Variants in ATP8A2 observed in about 807,000 individuals in gnomAD.
The protein encoded by ATP8A2 is ATPase phospholipid transporting 8A2, also known as phospholipid-transporting ATPase IB.
Under a neutral mutation model 165.6 loss-of-function variants are expected in ATP8A2, and 100 were observed. That is an observed-to-expected ratio of 0.60 (90% CI 0.51 to 0.71). ATP8A2 has a LOEUF of 0.71. ATP8A2 is among the 30% of genes least tolerant of loss of function. ATP8A2 has a pLI of 0.00. For missense variants in ATP8A2, 1,227 were observed against 1,479.5 expected, an observed-to-expected ratio of 0.83 and a Z score of 2.80; for synonymous variants, 543 against 548.8, an observed-to-expected ratio of 0.99 and a Z score of 0.15.
intron 33 of ATP8A2, among the ~76,000 whole-genome samples, chr13:25,909,595 GA>G (rs1174090691): frequency 6.6e-6 from 1 of 152,136 alleles, no homozygotes; most frequent in Non-Finnish European, 1.5e-5. Flanking sequence ...CCTTGAAAAG[GA>G]AATCCTTAAT....
chr13:25,417,234 G>A (rs1225346674), intron 1 of ATP8A2, among the ~76,000 whole-genome samples: 11 of 152,058 alleles, frequency 7.2e-5, no homozygotes, highest in Non-Finnish European at 1.3e-4. Flanking sequence ...GCTGAGCCAG[G>A]TGTTTCATTC....
At chr13:25,950,124 C>G (rs148422591) in intron 33 of ATP8A2, among the ~76,000 whole-genome samples, 14 of 152,300 alleles carry the variant, frequency 9.2e-5, no homozygotes, top group African/African-American at 3.4e-4. Flanking sequence ...TTAAACCACA[C>G]AGTACTCGTT....
At chr13:25,390,343 A>G (rs1014493955) in intron 1 of ATP8A2, among the ~76,000 whole-genome samples, 12 of 152,178 alleles carry the variant, frequency 7.9e-5, no homozygotes, top group African/African-American at 2.9e-4. Context: ...TAATTTACAC[A>G]CAGTGAAATG....
At chr13:25,585,105 CA>C (rs2039884654) in intron 23 of ATP8A2, among the ~76,000 whole-genome samples, 1 of 152,128 alleles carries the variant, frequency 6.6e-6, no homozygotes, top group Admixed American at 6.5e-5. Context: ...TCCTGTGAGC[CA>C]GTGAATTGTA....
chr13:25,688,132 G>T (rs1170664308), intron 24 of ATP8A2, among the ~76,000 whole-genome samples: 12 of 135,280 alleles, frequency 8.9e-5, no homozygotes, highest in Admixed American at 8.9e-4. Context: ...GCTGTTTTGT[G>T]CTGTTGTGTC....
chr13:26,007,672 A>G (rs1427603592), intron 35 of ATP8A2, among the ~76,000 whole-genome samples: 1 of 152,238 alleles, frequency 6.6e-6, no homozygotes, highest in Non-Finnish European at 1.5e-5. Flanking sequence ...TCAAAACATA[A>G]CTAAGCTCAA....
intron 30 of ATP8A2, among the ~76,000 whole-genome samples, chr13:25,853,627 T>C (rs371392983): frequency 6.6e-6 from 1 of 152,180 alleles, no homozygotes; most frequent in South Asian, 2.1e-4. Flanking sequence ...TAGTCTCCCA[T>C]GCCTGCTAAC....
At chr13:25,881,400 G>A (rs1219674721) in intron 33 of ATP8A2, among the ~76,000 whole-genome samples, 5 of 152,152 alleles carry the variant, frequency 3.3e-5, no homozygotes, top group South Asian at 2.1e-4. Context: ...ATGTGGGGTT[G>A]CTTTTGCTTT....
intron 20 of ATP8A2, among the ~76,000 whole-genome samples, chr13:25,577,485 A>C (rs1043037527): frequency 4.6e-5 from 7 of 152,158 alleles, no homozygotes; most frequent in African/African-American, 1.7e-4. Context: ...ACCTATGATA[A>C]TCTTGAGTAT....
At chr13:25,632,683 A>T (rs1593692509) in intron 24 of ATP8A2, among the ~76,000 whole-genome samples, 1 of 152,000 alleles carries the variant, frequency 6.6e-6, no homozygotes, top group Admixed American at 6.6e-5. Flanking sequence ...ACTGGGTAGG[A>T]TGGGCCTTAG....
At position 25,828,443 on chromosome 13, in the gene ATP8A2, A is replaced by C. The variant is rs188742723; in HGVS notation, c.2754+251A>C. On this transcript the variant is annotated intron_variant, in intron 28 of 36. Transcript: ENST00000381655. Reference sequence around the variant, plus strand: ...AATTATTAACCCATATATCTTGATAATAGACCCTTGTTACCCCCTTACTAC... The same window carrying C: ...AATTATTAACCCATATATCTTGATACTAGACCCTTGTTACCCCCTTACTAC... Among the ~76,000 whole-genome samples the C allele has an allele frequency of 2.5e-3, 375 of 152,356 alleles. 3 individuals carry two copies. The highest frequency in any genetic ancestry group is 8.6e-3 in the African/African-American group (356 of 41,578).
intron 24 of ATP8A2, among the ~76,000 whole-genome samples, chr13:25,643,741 TG>T (rs773695251): frequency 6.9e-4 from 104 of 151,154 alleles, no homozygotes; most frequent in Non-Finnish European, 1.2e-3. Flanking sequence ...GGTTTTGTTT[TG>T]TTTTTTTTTT....
chr13:25,490,319 T>C (rs2036486259), intron 2 of ATP8A2, among the ~76,000 whole-genome samples: 1 of 152,244 alleles, frequency 6.6e-6, no homozygotes, highest in South Asian at 2.1e-4. Context: ...CGTATAGCTT[T>C]AATTCCCACA....
Position 25,512,596 on chromosome 13 carries a change from G to A in ATP8A2, c.222-17403G>A, listed in dbSNP as rs1348956445. Among the ~76,000 whole-genome samples, 270 of 144,582 alleles carry A rather than the reference G, an allele frequency of 1.9e-3. 1 individual carries two copies. The highest frequency in any genetic ancestry group is 2.7e-3 in the Non-Finnish European group (178 of 65,810). The allele number at this position is 144,582 out of a possible 152,430, so 94.9% of individuals were successfully genotyped here. ...CCAGTAGGGGCGGCTGGGCAGAGGC[G>A]CCCCTCACCTCCCGGACGGGGAGGC... is the stretch of plus-strand genomic sequence containing the variant. On this transcript the variant is annotated intron_variant, in intron 2 of 36. Coordinates refer to ENST00000381655, the MANE Select transcript of ATP8A2 (RefSeq NM_016529.6).
rs1347294079 is a variant in ATP8A2 at position 26,023,797 on chromosome 13, A to G, written c.*3812A>G. ...TCAGCCAGGGTTTGAGTTACTGCCC[A>G]GGGTCATCGTCTCAAAGTAATTCAA... On this transcript the variant is annotated 3_prime_UTR_variant, in exon 37 of 37. Transcript: ENST00000381655. 1 of 152,220 alleles carries G rather than the reference A, an allele frequency of 6.6e-6. No individual in the cohort carries two copies. The highest frequency in any genetic ancestry group is 1.5e-5 in the Non-Finnish European group (1 of 68,032). The allele number at this position is 152,220 out of a possible 1,614,324, so 9.4% of individuals were successfully genotyped here.
chr13:25,465,719 C>CTTTCT lies in ATP8A2; in HGVS notation c.77-3255_77-3251dup, dbSNP rs1555274908. ...TCTTTCTTTCTTTCTTTCTTTCTTT[C>CTTTCT]TTTCTTTCTTTCTTTCTTTCCCTCC... On this transcript the variant is annotated intron_variant, in intron 1 of 36. Coordinates refer to ENST00000381655, the MANE Select transcript of ATP8A2 (RefSeq NM_016529.6). Among the ~76,000 whole-genome samples, 29 of 40,298 alleles carry CTTTCT rather than the reference C, an allele frequency of 7.2e-4. 1 individual carries two copies. The highest frequency in any genetic ancestry group is 9.8e-3 in the Middle Eastern group (1 of 102). 26.4% of individuals were successfully genotyped at this position (40,298 alleles called of 152,430 possible). A position where few individuals can be genotyped will look rare whatever the true frequency, so the allele number is the denominator to read the frequency against.
chr13:25,823,945 A>G (rs1311953589), intron 27 of ATP8A2, among the ~76,000 whole-genome samples: 2 of 151,822 alleles, frequency 1.3e-5, no homozygotes, highest in Non-Finnish European at 2.9e-5. Flanking sequence ...AAGCTTTACT[A>G]CCTATCTCTA....
chr13:25,718,282 C>G (rs1420255988), intron 25 of ATP8A2, among the ~76,000 whole-genome samples: 3 of 152,114 alleles, frequency 2.0e-5, no homozygotes, highest in African/African-American at 7.2e-5. Context: ...TGGAGGAAGC[C>G]TCAAATCTAA....
chr13:26,002,934 A>G (rs1956665702), intron 35 of ATP8A2, among the ~76,000 whole-genome samples: 1 of 151,038 alleles, frequency 6.6e-6, no homozygotes. Flanking sequence ...TCATTGATGG[A>G]CACCTAGGTT....
Sources: gnomAD v4.1 joint callset for allele counts (sites outside exome capture counted in the v4.1 genomes callset) on GRCh38, gnomAD v4.1.1 for gene constraint, MANE v1.5 for transcripts, NCBI Gene and HGNC (gene_info 2026-07-23, HGNC 2026-07-21) for gene names.